Variants in SLC45A4 observed in about 807,000 individuals in gnomAD.
The protein encoded by SLC45A4 is polyamine-transporter SLC45A4.
SLC45A4 carries 32 observed loss-of-function variants against 63.7 expected under a neutral mutation model. The ratio of observed to expected loss-of-function variants is 0.50; its 90% CI spans 0.38 to 0.67. The LOEUF (loss-of-function observed/expected upper bound fraction) is 0.67, where lower values mean the gene tolerates loss of function less well. SLC45A4 is among the 30% of genes least tolerant of loss of function. The pLI, the probability that SLC45A4 is intolerant of heterozygous loss-of-function variation, is 0.00. For synonymous variants in SLC45A4, 535 were observed against 510.0 expected (o/e 1.05, Z -0.66); for missense variants, 1,027 against 1,157.7 (o/e 0.89, Z 1.64).
intron 1 of SLC45A4, among the ~76,000 whole-genome samples, chr8:141,282,548 G>A (rs750808739): frequency 6.6e-6 from 1 of 152,234 alleles, no homozygotes; most frequent in Non-Finnish European, 1.5e-5. Context: ...CTCAGGGCGC[G>A]CTGCGCTCAG....
chr8:141,277,169 C>T (rs1187111963), intron 1 of SLC45A4, among the ~76,000 whole-genome samples: 1 of 152,242 alleles, frequency 6.6e-6, no homozygotes, highest in Non-Finnish European at 1.5e-5. Flanking sequence ...ACACGCCGGC[C>T]ACATGTGGAC....
rs573969675 is a variant in SLC45A4, at chr8:141,303,341, T to A, written c.-401+4755A>T. ...TTTTTGGACAGGTGGGGTTTTGCCGTGTTGCTCAGGCTGGCCTGGAACTCC... is the reference window on the plus strand; with the variant it reads ...TTTTTGGACAGGTGGGGTTTTGCCGAGTTGCTCAGGCTGGCCTGGAACTCC... On this transcript the variant is annotated intron_variant, in intron 1 of 8. Transcript: ENST00000517878. Among the ~76,000 whole-genome samples the A allele has an allele frequency of 4.3e-3, 591 of 137,014 alleles. 6 individuals carry two copies. Among genetic ancestry groups the A allele is most frequent in the African/African-American group, 0.015 (549 of 35,928 alleles). 89.9% of individuals were successfully genotyped at this position (137,014 alleles called of 152,430 possible).
chr8:141,285,723 G>C (rs1411750926), intron 1 of SLC45A4, among the ~76,000 whole-genome samples: 1 of 152,206 alleles, frequency 6.6e-6, no homozygotes, highest in Non-Finnish European at 1.5e-5. Context: ...ACCCACGGCG[G>C]AAAGCACGAC....
rs1212460309 is a variant in SLC45A4, at chr8:141,210,711, T to C, written c.*861A>G. The C allele has an allele frequency of 6.6e-6, 1 of 152,232 alleles. No homozygotes were observed. The highest frequency in any genetic ancestry group is 1.5e-5 in the Non-Finnish European group (1 of 68,030). 9.4% of individuals were successfully genotyped at this position (152,232 alleles called of 1,614,324 possible). A position where few individuals can be genotyped will look rare whatever the true frequency, so the allele number is the denominator to read the frequency against. Reference sequence around the variant, plus strand: ...GCTCTAGAATGATCATATTGCAGCATGATTCTCATGCATTTCAAAGTACTT... The same window carrying C: ...GCTCTAGAATGATCATATTGCAGCACGATTCTCATGCATTTCAAAGTACTT... On this transcript the variant is annotated 3_prime_UTR_variant, in exon 9 of 9. Transcript: ENST00000517878.
intron 1 of SLC45A4, among the ~76,000 whole-genome samples, chr8:141,257,687 C>G (rs1828856435): frequency 6.6e-6 from 1 of 152,216 alleles, no homozygotes; most frequent in African/African-American, 2.4e-5. Context: ...TCTGCACCCT[C>G]CAGGGACACT....
intron 2 of SLC45A4, among the ~76,000 whole-genome samples, chr8:141,224,042 C>T (rs1336835485): frequency 6.6e-6 from 1 of 151,042 alleles, no homozygotes; most frequent in Non-Finnish European, 1.5e-5. Flanking sequence ...AGGGGCTCTG[C>T]TGACGACAAA....
At chr8:141,279,777 C>T (rs767607878) in intron 1 of SLC45A4, among the ~76,000 whole-genome samples, 10 of 152,248 alleles carry the variant, frequency 6.6e-5, no homozygotes, top group Non-Finnish European at 1.5e-4. Context: ...CAAAAACTAA[C>T]GGCAGAATTA....
rs1054070155 is a variant in SLC45A4 at position 141,215,333 on chromosome 8, T to TA, written c.1941+425dup. Among the ~76,000 whole-genome samples the TA allele has an allele frequency of 6.6e-6, 1 of 152,174 alleles. No individual in the cohort carries two copies. Among genetic ancestry groups the TA allele is most frequent in the Non-Finnish European group, 1.5e-5 (1 of 68,032 alleles). On this transcript the variant is annotated intron_variant, in intron 7 of 8. Coordinates refer to ENST00000517878, the MANE Select transcript of SLC45A4 (RefSeq NM_001286646.2). The surrounding 1 kb of genome is among the most constrained non-coding windows in gnomAD (Gnocchi z 4.3). ...TTTTAGATACACCAGGTTGAATAAA[T>TA]ATGCTATGAAAATGGCCTTCACTGG...
At chr8:141,213,882 G>T (rs944992487) in intron 7 of SLC45A4, among the ~76,000 whole-genome samples, 2 of 152,154 alleles carry the variant, frequency 1.3e-5, no homozygotes, top group African/African-American at 4.8e-5. Flanking sequence ...CAGATGAAAT[G>T]GACACATTCT....
intron 2 of SLC45A4, chr8:141,228,674 A>G: frequency 2.0e-6 from 2 of 990,056 alleles, no homozygotes; most frequent in Non-Finnish European, 2.4e-6. Flanking sequence ...AAACAACCGT[A>G]TGGCCTTTGG....
chr8:141,299,555 G>C (rs944483901), intron 1 of SLC45A4, among the ~76,000 whole-genome samples: 1 of 152,348 alleles, frequency 6.6e-6, no homozygotes, highest in Non-Finnish European at 1.5e-5. Context: ...CGCAGCCCCG[G>C]GATCCGGCTT....
At chr8:141,281,087 C>A (rs894952676) in intron 1 of SLC45A4, among the ~76,000 whole-genome samples, 1 of 152,200 alleles carries the variant, frequency 6.6e-6, no homozygotes, top group Non-Finnish European at 1.5e-5. Flanking sequence ...GCCTGTAATC[C>A]CAGCACTTTG....
Position 141,211,580 on chromosome 8 carries a change from A to T in SLC45A4, c.2419T>A (p.Phe807Ile). Residue 807 changes from phenylalanine (F) to isoleucine (I), a missense_variant, in exon 9 of 9, where the codon TTC becomes ATC. Transcript: ENST00000517878. ...RKKIFFSTMW[F>I]S Reference sequence around the variant, plus strand: ...GAAGATACGTCATTCTTCTAAGAGAACCACATTGTGGAAAAGAAAATTTTT... The same window carrying T: ...GAAGATACGTCATTCTTCTAAGAGATCCACATTGTGGAAAAGAAAATTTTT... 1 of 1,613,224 alleles carries T rather than the reference A, an allele frequency of 6.2e-7. No homozygotes were observed.
At chr8:141,290,845 A>ATTGTT (rs960337808) in intron 1 of SLC45A4, among the ~76,000 whole-genome samples, 4 of 152,066 alleles carry the variant, frequency 2.6e-5, no homozygotes, top group African/African-American at 4.8e-5. Context: ...CAACACCTAA[A>ATTGTT]TTGTTTTGTT....
At chr8:141,272,706 A>T (rs1490487376) in intron 1 of SLC45A4, among the ~76,000 whole-genome samples, 3 of 151,766 alleles carry the variant, frequency 2.0e-5, no homozygotes, top group Admixed American at 6.6e-5. Context: ...GCTGCCCCTC[A>T]GTGGTGCTGT....
chr8:141,268,493 A>G (rs1175575220), intron 1 of SLC45A4, among the ~76,000 whole-genome samples: 1 of 152,128 alleles, frequency 6.6e-6, no homozygotes, highest in Non-Finnish European at 1.5e-5. Context: ...CACCGTAATC[A>G]ATGTCCCACT....
rs73366420 is a variant in SLC45A4 at position 141,256,855 on chromosome 8, G to T, written c.-400-2226C>A. On this transcript the variant is annotated intron_variant, in intron 1 of 8. Coordinates refer to ENST00000517878, the MANE Select transcript of SLC45A4 (RefSeq NM_001286646.2). This position sits in a 1 kb window ranked among gnomAD's most constrained non-coding sequence, Gnocchi z 4.3. ...ATATTTTTTCAAAAAACTGTGTAAT[G>T]AAACTTTTTTTTTTTTTTGAGACAG... 9,592 of 327,258 alleles carry T rather than the reference G, an allele frequency of 0.029. 868 individuals are homozygous for T. The highest frequency in any genetic ancestry group is 0.2 in the African/African-American group (8,823 of 43,616). 20.3% of individuals were successfully genotyped at this position (327,258 alleles called of 1,614,324 possible).
In SLC45A4 at chr8:141,227,208, C is replaced by T. The variant is rs984798705; in HGVS notation, c.242-5443G>A. On this transcript the variant is annotated intron_variant, in intron 2 of 8. Transcript: ENST00000517878. This position sits in a 1 kb window ranked among gnomAD's most constrained non-coding sequence, Gnocchi z 4.4. ...CCGTTCACAGGAAATACTGTGTCAC[C>T]GCTCGGCCGCAGGCTGTGTGAGGTC... Among the ~76,000 whole-genome samples, 1 of 152,178 alleles carries T rather than the reference C, an allele frequency of 6.6e-6. No homozygotes were observed. Among genetic ancestry groups the T allele is most frequent in the South Asian group, 2.1e-4 (1 of 4,830 alleles).
chr8:141,273,065 C>T (rs192380400), intron 1 of SLC45A4, among the ~76,000 whole-genome samples: 19 of 152,256 alleles, frequency 1.2e-4, no homozygotes, highest in East Asian at 3.9e-4. Context: ...AGCAAACACG[C>T]GAGAAGAGCT....
Sources: allele counts gnomAD v4.1 joint callset (sites outside exome capture counted in the v4.1 genomes callset), GRCh38; gene constraint gnomAD v4.1.1; non-coding constraint Gnocchi (gnomAD v3.1); transcripts MANE v1.5; gene names NCBI Gene and HGNC (gene_info 2026-07-23, HGNC 2026-07-21).